Variants in GALNT17 observed in about 807,000 individuals in gnomAD.
The protein encoded by GALNT17 is UDP-GalNAc:polypeptide N-acetylgalactosaminyltransferase-like 3.
Under a neutral mutation model 63.7 loss-of-function variants are expected in GALNT17, and 29 were observed. The observed-to-expected ratio is 0.46, with a 90% CI of 0.34 to 0.62. The LOEUF (loss-of-function observed/expected upper bound fraction) is 0.62, where lower values mean the gene tolerates loss of function less well. Among genes scored for constraint, GALNT17 ranks in the 20% least tolerant of loss-of-function variants. The pLI is 0.01. For missense variants in GALNT17, 603 were observed against 799.6 expected, an observed-to-expected ratio of 0.75 and a Z score of 2.97; for synonymous variants, 305 against 318.3, an observed-to-expected ratio of 0.96 and a Z score of 0.45.
chr7:71,243,364 G>A (rs9654905), intron 1 of GALNT17, among the ~76,000 whole-genome samples: 62,456 of 151,896 alleles, frequency 0.41, 13,687 homozygotes, highest in East Asian at 0.77. Context: ...TCTCAGATAT[G>A]TCTTTATGGC....
intron 1 of GALNT17, among the ~76,000 whole-genome samples, chr7:71,207,306 C>T (rs1000077285): frequency 6.6e-6 from 1 of 152,086 alleles, no homozygotes; most frequent in East Asian, 1.9e-4. Context: ...AAACCATGTC[C>T]CTTCGTTGTC....
chr7:71,273,672 A>C (rs1583819257), intron 1 of GALNT17, among the ~76,000 whole-genome samples: 1 of 152,190 alleles, frequency 6.6e-6, no homozygotes, highest in African/African-American at 2.4e-5. Context: ...CCTAATTCTC[A>C]TTTGTACTTT....
At chr7:71,140,991 ATCCATCCTGG>A (rs1479536742) in intron 1 of GALNT17, among the ~76,000 whole-genome samples, 1 of 151,392 alleles carries the variant, frequency 6.6e-6, no homozygotes, top group Non-Finnish European at 1.5e-5. Flanking sequence ...ACTGCACTCC[ATCCATCCTGG>A]GTGACAGAGC....
chr7:71,259,506 G>C (rs767440649), intron 1 of GALNT17, among the ~76,000 whole-genome samples: 1 of 152,134 alleles, frequency 6.6e-6, no homozygotes, highest in Non-Finnish European at 1.5e-5. Flanking sequence ...ACTGGTCCCT[G>C]TCCTGTGTCT....
intron 1 of GALNT17, among the ~76,000 whole-genome samples, chr7:71,322,511 G>A (rs950655425): frequency 3.3e-5 from 5 of 152,098 alleles, no homozygotes; most frequent in Admixed American, 1.3e-4. Context: ...TCCAGTATTC[G>A]TGGCTCTGAG....
At chr7:71,145,160 T>G (rs1242962353) in intron 1 of GALNT17, among the ~76,000 whole-genome samples, 1 of 152,210 alleles carries the variant, frequency 6.6e-6, no homozygotes, top group Non-Finnish European at 1.5e-5. Flanking sequence ...CTTCTTGGGT[T>G]CTTCAGGCCA....
chr7:71,185,522 CTTT>C (rs747181057), intron 1 of GALNT17, among the ~76,000 whole-genome samples: 4 of 124,626 alleles, frequency 3.2e-5, no homozygotes, highest in Non-Finnish European at 3.3e-5. Context: ...CGTTTCTTTT[CTTT>C]TTTTTTTTTT....
intron 1 of GALNT17, among the ~76,000 whole-genome samples, chr7:71,260,647 G>C (rs1184041691): frequency 6.7e-6 from 1 of 149,834 alleles, no homozygotes; most frequent in African/African-American, 2.5e-5. Flanking sequence ...CTGTCACCAA[G>C]CCTGGAGTGC....
At chr7:71,176,047 T>C (rs1788631316) in intron 1 of GALNT17, among the ~76,000 whole-genome samples, 1 of 152,178 alleles carries the variant, frequency 6.6e-6, no homozygotes, top group Non-Finnish European at 1.5e-5. Context: ...CACTCCCATC[T>C]GGCTGGTTAA....
chr7:71,506,631 G>T (rs189506215), intron 5 of GALNT17, among the ~76,000 whole-genome samples: 23 of 152,264 alleles, frequency 1.5e-4, no homozygotes, highest in Non-Finnish European at 5.9e-5. Flanking sequence ...TTGTATATAT[G>T]TATGGGGTAC....
At chr7:71,192,673 G>A (rs527357923) in intron 1 of GALNT17, among the ~76,000 whole-genome samples, 17 of 152,264 alleles carry the variant, frequency 1.1e-4, no homozygotes, top group South Asian at 4.1e-4. Flanking sequence ...TGGTATTACA[G>A]GCATGAACCA....
At chr7:71,134,332 C>T (rs1036741790) in intron 1 of GALNT17, among the ~76,000 whole-genome samples, 4 of 152,180 alleles carry the variant, frequency 2.6e-5, no homozygotes, top group African/African-American at 9.7e-5. Context: ...TGTGGAATTG[C>T]AAATACAGAC....
At chr7:71,292,653 CAG>C (rs776918310) in intron 1 of GALNT17, among the ~76,000 whole-genome samples, 40,475 of 126,072 alleles carry the variant, frequency 0.32, 6,682 homozygotes, top group Non-Finnish European at 0.42. Context: ...GAGAGAGAGA[CAG>C]AGAGAGAGAG....
At chr7:71,197,866 T>C (rs73364017) in intron 1 of GALNT17, among the ~76,000 whole-genome samples, 2,177 of 152,182 alleles carry the variant, frequency 0.014, 58 homozygotes, top group African/African-American at 0.05. Context: ...ATGATTATGT[T>C]GCTTTCAAAT....
intron 6 of GALNT17, among the ~76,000 whole-genome samples, chr7:71,622,470 C>G (rs116587671): frequency 1.5e-4 from 23 of 152,306 alleles, no homozygotes; most frequent in Non-Finnish European, 3.2e-4. Flanking sequence ...TGCAAGCCCT[C>G]TGGGTGTCTG....
chr7:71,669,825 T>C (rs1409065452), intron 7 of GALNT17, 147 bp from the exon 8 acceptor site: 1 of 936,852 alleles, frequency 1.1e-6, no homozygotes, highest in East Asian at 2.7e-5. Flanking sequence ...CCTCCTAAAG[T>C]GCTGGGATTA....
At chr7:71,507,526 A>C (rs2116716443) in intron 5 of GALNT17, among the ~76,000 whole-genome samples, 1 of 152,322 alleles carries the variant, frequency 6.6e-6, no homozygotes, top group Non-Finnish European at 1.5e-5. Flanking sequence ...CCTGGCAGTC[A>C]GCACTCACCC....
chr7:71,134,239 G>A (rs575873468), intron 1 of GALNT17, among the ~76,000 whole-genome samples: 1 of 152,344 alleles, frequency 6.6e-6, no homozygotes. Flanking sequence ...CAGAGCCTGT[G>A]CGCTTGACCT....
At chr7:71,547,239 A>G (rs2116821591) in intron 5 of GALNT17, among the ~76,000 whole-genome samples, 2 of 152,068 alleles carry the variant, frequency 1.3e-5, no homozygotes, top group East Asian at 3.9e-4. Context: ...ATCTTGGCTC[A>G]CTGCAACCTC....
Sources: allele counts gnomAD v4.1 joint callset (sites outside exome capture counted in the v4.1 genomes callset), GRCh38; gene constraint gnomAD v4.1.1; transcripts MANE v1.5; gene names NCBI Gene and HGNC (gene_info 2026-07-23, HGNC 2026-07-21).